The following SLC6A2 variants were observed in gnomAD, a reference collection of about 807,000 sequenced individuals.
SLC6A2 encodes the protein sodium-dependent noradrenaline transporter.
SLC6A2 carries 26 observed loss-of-function variants against 71.7 expected under a neutral mutation model. The observed-to-expected ratio is 0.36, with a 90% CI of 0.27 to 0.50. SLC6A2 has a LOEUF of 0.50. SLC6A2 is among the 20% of genes least tolerant of loss of function. SLC6A2 has a pLI of 0.96. For synonymous variants in SLC6A2, 363 were observed against 337.9 expected (o/e 1.07, Z -0.82); for missense variants, 581 against 803.9 (o/e 0.72, Z 3.35).
intron 12 of SLC6A2, 98 bp downstream of exon 12, chr16:55,699,752 G>A: frequency 1.2e-6 from 1 of 859,358 alleles, no homozygotes; most frequent in South Asian, 1.4e-5. Context: ...AGGAGGCTCT[G>A]GGATCCAGAG....
chr16:55,702,503 T>A lies in SLC6A2; in HGVS notation c.*157T>A. The A allele has an allele frequency of 2.6e-6, 4 of 1,534,266 alleles. No homozygotes were observed. The highest frequency in any genetic ancestry group is 3.5e-6 in the Non-Finnish European group (4 of 1,137,506). ...CCATTTACAAATGATTTCGTGACTG[T>A]AGTTTTTGTTCACCTTCTGTGCATC... On this transcript the variant is annotated 3_prime_UTR_variant, in exon 15 of 15. Transcript: ENST00000568943.
chr16:55,682,121 G>A (rs960957749), intron 4 of SLC6A2, among the ~76,000 whole-genome samples: 6 of 152,072 alleles, frequency 3.9e-5, no homozygotes, highest in Non-Finnish European at 7.4e-5. Context: ...TGACCAGGCC[G>A]GTCTCGAACT....
At chr16:55,657,536 CAAG>C (rs1964492644) in intron 2 of SLC6A2, among the ~76,000 whole-genome samples, 1 of 152,198 alleles carries the variant, frequency 6.6e-6, no homozygotes, top group South Asian at 2.1e-4. Flanking sequence ...TAGAAACACA[CAAG>C]AAGAAGCCAG....
chr16:55,659,300 T>C (rs1187812406), intron 2 of SLC6A2, among the ~76,000 whole-genome samples: 1 of 152,196 alleles, frequency 6.6e-6, no homozygotes, highest in Non-Finnish European at 1.5e-5. Context: ...ACAAGTCAGC[T>C]AGATGGATAT....
chr16:55,697,774 C>A, intron 9 of SLC6A2, 123 bp from the exon 10 acceptor site: 1 of 998,036 alleles, frequency 1.0e-6, no homozygotes, highest in African/African-American at 1.6e-5. Context: ...GCTGATTTCT[C>A]GAGAGAGGCA....
rs144052687 is a variant in SLC6A2 at position 55,695,736 on chromosome 16, A to G, written c.1147+334A>G. 4.1e-3 allele frequency among the ~76,000 whole-genome samples: 619 copies of G among 152,328 alleles called. 2 individuals carry two copies. Among genetic ancestry groups the G allele is most frequent in the African/African-American group, 0.014 (592 of 41,568 alleles). On this transcript the variant is annotated intron_variant, in intron 8 of 14. Coordinates refer to ENST00000568943, the MANE Select transcript of SLC6A2 (RefSeq NM_001172501.3). ...GGGCAAGTGTCAATAGACTCACTTT[A>G]CGAATGGGAAGACTGAGATGCAAGC...
At chr16:55,677,704 C>T (rs879576636) in intron 4 of SLC6A2, among the ~76,000 whole-genome samples, 1 of 150,980 alleles carries the variant, frequency 6.6e-6, no homozygotes, top group Non-Finnish European at 1.5e-5. Flanking sequence ...CGGGGTCTTG[C>T]TCTGTCACCC....
intron 4 of SLC6A2, among the ~76,000 whole-genome samples, chr16:55,680,799 G>T (rs1240810536): frequency 6.6e-6 from 1 of 152,168 alleles, no homozygotes; most frequent in Non-Finnish European, 1.5e-5. Context: ...CAAGAGACAG[G>T]ATTAGCGGGG....
intron 14 of SLC6A2, 131 bp from the exon 15 acceptor site, chr16:55,702,192 C>T (rs866896207): frequency 2.3e-4 from 221 of 954,716 alleles, no homozygotes; most frequent in Middle Eastern, 6.3e-4. Context: ...TCAACTTGCA[C>T]GTTCCCTGAG....
intron 2 of SLC6A2, among the ~76,000 whole-genome samples, chr16:55,663,829 T>C (rs1007039880): frequency 1.3e-5 from 2 of 152,278 alleles, no homozygotes; most frequent in South Asian, 4.1e-4. Flanking sequence ...CCCTGGCTTT[T>C]CTTTCTTGGA....
chr16:55,700,157 A>G lies in SLC6A2; in HGVS notation c.1609A>G (p.Ile537Val), dbSNP rs1226732670. Residue 537 changes from isoleucine to valine, a missense_variant, in exon 13 of 15, where the codon ATC (isoleucine) becomes GTC (valine). By Grantham distance (29) the Ile-to-Val change is conservative. Coordinates refer to ENST00000568943, the MANE Select transcript of SLC6A2 (RefSeq NM_001172501.3). ...AFLLFVVVVSIINFKPLTYDD... is the reference protein window; with the variant it reads ...AFLLFVVVVSVINFKPLTYDD... ...TCTCTAGTTCGTGGTTGTGGTCAGC[A>G]TCATCAACTTCAAGCCACTCACCTA... 2 of 1,613,734 alleles carry G rather than the reference A, an allele frequency of 1.2e-6. No individual in the cohort carries two copies. Among genetic ancestry groups the G allele is most frequent in the Non-Finnish European group, 8.5e-7 (1 of 1,179,952 alleles).
Position 55,669,634 on chromosome 16 carries a change from C to A in SLC6A2, c.344C>A (p.Ala115Asp). The change falls in exon 3 of 15, where the codon GCT becomes GAT. Residue 115 changes from alanine to aspartate, a missense_variant. Physicochemically the swap from Ala to Asp is moderately radical, Grantham distance 126. This residue lies in a region of SLC6A2 where 81 missense variants were observed against 152.4 expected (regional missense o/e 0.53). Transcript: ENST00000568943. ...AGMPLFYMEL[A>D]LGQYNREGAA... Reference sequence around the variant, plus strand: ...ATGCCCCTGTTCTACATGGAGCTGGCTCTGGGACAGTACAACCGGGAGGGG... The same window carrying A: ...ATGCCCCTGTTCTACATGGAGCTGGATCTGGGACAGTACAACCGGGAGGGG... The A allele has an allele frequency of 6.2e-7, 1 of 1,614,104 alleles. No individual in the cohort carries two copies. Among genetic ancestry groups the A allele is most frequent in the Non-Finnish European group, 8.5e-7 (1 of 1,179,992 alleles).
At chr16:55,664,275 A>G (rs1317453257) in intron 2 of SLC6A2, among the ~76,000 whole-genome samples, 1 of 151,998 alleles carries the variant, frequency 6.6e-6, no homozygotes, top group Non-Finnish European at 1.5e-5. Context: ...CACTACCTTC[A>G]TGCCATCCTT....
In SLC6A2 at chr16:55,694,329, T is replaced by C. The variant is rs182073297; in HGVS notation, c.1022+216T>C. On this transcript the variant is annotated intron_variant, in intron 7 of 14. Coordinates refer to ENST00000568943, the MANE Select transcript of SLC6A2 (RefSeq NM_001172501.3). ...GGATGCCTCTTAAACAAATGTGAGG[T>C]GTGGAACTGGGAAAATTGAGGTTAC... 1.1e-4 allele frequency among the ~76,000 whole-genome samples: 16 copies of C among 152,176 alleles called. No individual in the cohort carries two copies. In the East Asian group the frequency reaches 1.4e-3, roughly 13 times the overall value.
intron 9 of SLC6A2, 59 bp from the exon 10 acceptor site, chr16:55,697,838 G>A: frequency 6.2e-7 from 1 of 1,605,080 alleles, no homozygotes; most frequent in Non-Finnish European, 8.5e-7. Flanking sequence ...CCTGGGGCCT[G>A]AGACTGAGGT....
chr16:55,678,743 G>A (rs1441388909), intron 4 of SLC6A2, among the ~76,000 whole-genome samples: 2 of 152,208 alleles, frequency 1.3e-5, no homozygotes, highest in African/African-American at 4.8e-5. Flanking sequence ...GAGAAATTGA[G>A]CTTTTTTAGT....
chr16:55,705,023 G>GGTT lies in SLC6A2; in HGVS notation c.*2677_*2678insGTT. 1 of 496,884 alleles carries GGTT rather than the reference G, an allele frequency of 2.0e-6. No homozygotes were observed. Among genetic ancestry groups the GGTT allele is most frequent in the Non-Finnish European group, 3.5e-6 (1 of 282,052 alleles). 30.8% of individuals were successfully genotyped at this position (496,884 alleles called of 1,614,324 possible). A position where few individuals can be genotyped will look rare whatever the true frequency, so the allele number is the denominator to read the frequency against. On this transcript the variant is annotated 3_prime_UTR_variant, in exon 15 of 15. Transcript: ENST00000568943. ...ATCTTTGACTTCCTTTTTGTAGCTT[G>GGTT]TTTTTAATAGCAGAGGTCACCCGGG... is the stretch of plus-strand genomic sequence containing the variant.
chr16:55,660,539 T>C (rs1567429710), intron 2 of SLC6A2, among the ~76,000 whole-genome samples: 1 of 152,220 alleles, frequency 6.6e-6, no homozygotes, highest in Non-Finnish European at 1.5e-5. Context: ...AATTCCCAAA[T>C]TAGCCCCAGA....
intron 11 of SLC6A2, 108 bp from the exon 12 acceptor site, chr16:55,699,446 A>G: frequency 1.2e-6 from 1 of 828,326 alleles, no homozygotes; most frequent in South Asian, 1.4e-5. Flanking sequence ...GGGTATCAGC[A>G]TCTTGCCTCA....
Sources: allele counts gnomAD v4.1 joint callset (sites outside exome capture counted in the v4.1 genomes callset), GRCh38; gene constraint gnomAD v4.1.1; regional missense constraint gnomAD v4.1.1; transcripts MANE v1.5; gene names NCBI Gene and HGNC (gene_info 2026-07-23, HGNC 2026-07-21).